DLG1: variants seen among roughly 807,000 people sequenced by gnomAD.
The protein encoded by DLG1 is discs large MAGUK scaffold protein 1, also known as disks large homolog 1.
DLG1 carries 42 observed loss-of-function variants against 123.4 expected under a neutral mutation model. The observed-to-expected ratio is 0.34, with a 90% CI of 0.27 to 0.44. DLG1 has a LOEUF of 0.44. Among genes scored for constraint, DLG1 ranks in the 20% least tolerant of loss-of-function variants. DLG1 has a pLI of 1.00. For missense variants in DLG1, 942 were observed against 1,082.6 expected (o/e 0.87, Z 1.82); for synonymous variants, 317 against 356.2 (o/e 0.89, Z 1.24).
intron 19 of DLG1, among the ~76,000 whole-genome samples, chr3:197,068,035 A>G (rs1740952507): frequency 6.6e-6 from 1 of 152,250 alleles, no homozygotes. Flanking sequence ...TGAATTTTGC[A>G]ATTGGTTTAT....
chr3:197,063,463 T>G (rs1048253174), intron 22 of DLG1, among the ~76,000 whole-genome samples: 4 of 152,198 alleles, frequency 2.6e-5, no homozygotes, highest in Non-Finnish European at 5.9e-5. Context: ...TTTCCTGTGC[T>G]TATTTTCACA....
At chr3:197,131,216 A>C (rs1782272426) in intron 10 of DLG1, among the ~76,000 whole-genome samples, 1 of 152,208 alleles carries the variant, frequency 6.6e-6, no homozygotes, top group South Asian at 2.1e-4. Flanking sequence ...ACAAATATTT[A>C]AATTGTTCTC....
intron 5 of DLG1, among the ~76,000 whole-genome samples, chr3:197,162,550 C>T (rs1384429500): frequency 6.6e-6 from 1 of 152,036 alleles, no homozygotes; most frequent in East Asian, 1.9e-4. Flanking sequence ...TTCATAAATG[C>T]AAAATAAAAT....
intron 5 of DLG1, chr3:197,184,112 C>T (rs1714291187): frequency 8.8e-7 from 1 of 1,135,678 alleles, no homozygotes; most frequent in Admixed American, 4.6e-5. Context: ...GAACCAAAAG[C>T]TGTTCTTTTG....
chr3:197,191,743 G>C (rs1029649499), intron 5 of DLG1, among the ~76,000 whole-genome samples: 1 of 152,162 alleles, frequency 6.6e-6, no homozygotes, highest in African/African-American at 2.4e-5. Context: ...TGGAGTAAGA[G>C]TGAATGGCAT....
chr3:197,267,394 T>C (rs1762133010), intron 4 of DLG1, among the ~76,000 whole-genome samples: 1 of 152,200 alleles, frequency 6.6e-6, no homozygotes, highest in Non-Finnish European at 1.5e-5. Flanking sequence ...ACAATGTCTA[T>C]AATCTCTTTT....
Position 197,081,205 on chromosome 3 carries a change from G to T in DLG1, c.1839-88C>A, listed in dbSNP as rs552213250. On this transcript the variant is annotated intron_variant, in intron 16 of 24. Transcript: ENST00000667157. The stretch of plus-strand genomic sequence containing the variant: ...TAACCAGAATTGTTATCTTTATAAT[G>T]GGCATTTTTATACTCTAAAACCTTT... The T allele has an allele frequency of 1.2e-5, 15 of 1,263,264 alleles. No homozygotes were observed. In the African/African-American group the frequency reaches 1.3e-4, roughly 11 times the overall value. The allele number at this position is 1,263,264 out of a possible 1,614,324, so 78.3% of individuals were successfully genotyped here.
chr3:197,045,888 T>C (rs1722690114), intron 24 of DLG1, among the ~76,000 whole-genome samples: 1 of 148,710 alleles, frequency 6.7e-6, no homozygotes, highest in Non-Finnish European at 1.5e-5. Context: ...AAACTGAGCA[T>C]AAAATGTCAA....
Position 197,061,769 on chromosome 3 carries a change from G to A in DLG1, c.2374-1771C>T, listed in dbSNP as rs143785079. On this transcript the variant is annotated intron_variant, in intron 22 of 24. Transcript: ENST00000667157. ...TCTTAGTCCATCATATCTGGGAGGC[G>A]ATATTATATCTATTTGTCCCATTAT... is the stretch of plus-strand genomic sequence containing the variant. Among the ~76,000 whole-genome samples the A allele has an allele frequency of 2.1e-4, 32 of 152,132 alleles. No individual in the cohort carries two copies. In the East Asian group the frequency reaches 5.8e-3, roughly 28 times the overall value.
intron 11 of DLG1, among the ~76,000 whole-genome samples, chr3:197,120,527 T>C (rs796097429): frequency 1.5e-4 from 23 of 152,322 alleles, no homozygotes; most frequent in African/African-American, 5.3e-4. Context: ...TCAACTATGA[T>C]AAAGTTACAA....
rs568947647 is a variant in DLG1 at position 197,044,425 on chromosome 3, C to G, written c.*198G>C. ...CATCTTCAGTTCTGAAAAATGGCCA[C>G]TAACCAATAGTGACATTAAATAATA... On this transcript the variant is annotated 3_prime_UTR_variant, in exon 25 of 25. Transcript: ENST00000667157. 38 of 394,342 alleles carry G rather than the reference C, an allele frequency of 9.6e-5. 1 individual carries two copies. Among genetic ancestry groups the G allele is most frequent in the Admixed American group, 3.9e-4 (9 of 22,812 alleles). 24.4% of individuals were successfully genotyped at this position (394,342 alleles called of 1,614,324 possible).
chr3:197,228,428 G>C (rs1363403363), intron 4 of DLG1, among the ~76,000 whole-genome samples: 1 of 152,192 alleles, frequency 6.6e-6, no homozygotes. Context: ...TATTCAGTTG[G>C]TTACACAATA....
intron 4 of DLG1, among the ~76,000 whole-genome samples, chr3:197,271,658 T>C (rs1184850356): frequency 2.0e-5 from 3 of 152,120 alleles, no homozygotes; most frequent in South Asian, 2.1e-4. Context: ...TCCCACAAAA[T>C]AGACTGGGGA....
chr3:197,089,524 C>G (rs1183912860), intron 15 of DLG1, among the ~76,000 whole-genome samples: 1 of 138,206 alleles, frequency 7.2e-6, no homozygotes, highest in African/African-American at 2.8e-5. Context: ...GAGACCCTGT[C>G]TTTAAAAAAA....
At chr3:197,212,922 T>G (rs757719652) in intron 4 of DLG1, among the ~76,000 whole-genome samples, 80 of 152,198 alleles carry the variant, frequency 5.3e-4, no homozygotes, top group South Asian at 1.5e-3. Flanking sequence ...TCACTGCATA[T>G]CCGCTAAAAT....
At chr3:197,259,757 G>A (rs1056621417) in intron 4 of DLG1, among the ~76,000 whole-genome samples, 2 of 152,082 alleles carry the variant, frequency 1.3e-5, no homozygotes, top group African/African-American at 4.8e-5. Flanking sequence ...TTCAAGGAGT[G>A]CTTGTACAAG....
chr3:197,278,617 AG>A (rs1804114433), intron 4 of DLG1, among the ~76,000 whole-genome samples: 1 of 152,162 alleles, frequency 6.6e-6, no homozygotes, highest in Admixed American at 6.5e-5. Flanking sequence ...AATTTTTTTA[AG>A]AAAATGGGAT....
At chr3:197,134,709 T>C (rs1438886165) in intron 10 of DLG1, among the ~76,000 whole-genome samples, 1 of 152,234 alleles carries the variant, frequency 6.6e-6, no homozygotes, top group African/African-American at 2.4e-5. Context: ...GCATGGCTGA[T>C]GTGTTCCACA....
At position 197,107,726 on chromosome 3, in the gene DLG1, T is replaced by C. The variant is rs949461647; in HGVS notation, c.1444-2721A>G. On this transcript the variant is annotated intron_variant, in intron 13 of 24. Coordinates refer to ENST00000667157, the MANE Select transcript of DLG1 (RefSeq NM_001366207.1). ...TTATTAGCTTGACAGTCTGTTGTTG[T>C]ATTTCTTAAGATTTTTTCTATACAA... Among the ~76,000 whole-genome samples, 3 of 152,170 alleles carry C rather than the reference T, an allele frequency of 2.0e-5. No homozygotes were observed. In the South Asian group the frequency reaches 6.2e-4, roughly 32 times the overall value.
Sources: allele counts gnomAD v4.1 joint callset (sites outside exome capture counted in the v4.1 genomes callset), GRCh38; gene constraint gnomAD v4.1.1; transcripts MANE v1.5; gene names NCBI Gene and HGNC (gene_info 2026-07-23, HGNC 2026-07-21).